The following RTTN variants were observed in gnomAD, a reference collection of about 807,000 sequenced individuals.
RTTN encodes rotatin.
A neutral mutation model predicts 269.2 loss-of-function variants in RTTN; 182 were observed. That is an observed-to-expected ratio of 0.68 (90% CI 0.60 to 0.76). The LOEUF (loss-of-function observed/expected upper bound fraction) is 0.76. RTTN is among the 30% of genes least tolerant of loss of function. The probability of loss-of-function intolerance (pLI) is 0.00; values close to 1 mark genes in which losing one functional copy is unlikely to be tolerated. For synonymous variants in RTTN, 1,006 were observed against 963.5 expected (o/e 1.04, Z -0.82); for missense variants, 2,545 against 2,608.6 (o/e 0.98, Z 0.53).
intron 17 of RTTN, among the ~76,000 whole-genome samples, chr18:70,147,324 T>A (rs960275893): frequency 6.6e-6 from 1 of 152,188 alleles, no homozygotes; most frequent in African/African-American, 2.4e-5. Context: ...TGCCACTGTG[T>A]TACAACTGCA....
rs1406409302 is a variant in RTTN at position 70,086,595 on chromosome 18, T to G, written c.4374+18A>C. 5 of 1,526,566 alleles carry G rather than the reference T, an allele frequency of 3.3e-6. No individual in the cohort carries two copies. The highest frequency in any genetic ancestry group is 4.5e-6 in the Non-Finnish European group (5 of 1,116,950). The allele number at this position is 1,526,566 out of a possible 1,614,324, so 94.6% of individuals were successfully genotyped here. A position where few individuals can be genotyped will look rare whatever the true frequency, so the allele number is the denominator to read the frequency against. On this transcript the variant is annotated intron_variant, in intron 32 of 48. Coordinates refer to ENST00000640769, the MANE Select transcript of RTTN (RefSeq NM_173630.4). Reference sequence around the variant, plus strand: ...TTTGAAACATCTACTAGGTTGATAATTGTTTAAAATCACCCACCTGCCAAG... The same window carrying G: ...TTTGAAACATCTACTAGGTTGATAAGTGTTTAAAATCACCCACCTGCCAAG...
rs1462140991 is a variant in RTTN at position 70,150,074 on chromosome 18, G to A, written c.2069C>T (p.Ala690Val). Residue 690 changes from alanine (A) to valine (V), a missense_variant, in exon 16 of 49, where the codon GCC becomes GTC. Coordinates refer to ENST00000640769, the MANE Select transcript of RTTN (RefSeq NM_173630.4). ...QEPESEVNTA[A>V]KAILLYLLQG... ...AAGCAGGTATAACAGAATGGCCTTGGCAGCAGTGTTCACCTGCTCAACAAC... is the reference window on the plus strand; with the variant it reads ...AAGCAGGTATAACAGAATGGCCTTGACAGCAGTGTTCACCTGCTCAACAAC... 1 of 1,612,022 alleles carries A rather than the reference G, an allele frequency of 6.2e-7. No homozygotes were observed. Among genetic ancestry groups the A allele is most frequent in the African/African-American group, 1.3e-5 (1 of 74,840 alleles).
chr18:70,176,884 C>A lies in RTTN; in HGVS notation c.1306-39G>T, dbSNP rs559853399. 9 of 1,549,916 alleles carry A rather than the reference C, an allele frequency of 5.8e-6. No individual in the cohort carries two copies. The African/African-American group carries it at 8.2e-5, about 14-fold the overall frequency. ...CACAACATGAAACAGAAGAAAACAA[C>A]CAATTTTAGGGGCCAGTATACAAAA... On this transcript the variant is annotated intron_variant, in intron 10 of 48. Coordinates refer to ENST00000640769, the MANE Select transcript of RTTN (RefSeq NM_173630.4).
intron 14 of RTTN, among the ~76,000 whole-genome samples, chr18:70,160,248 C>T (rs1190551763): frequency 6.6e-6 from 1 of 151,824 alleles, no homozygotes; most frequent in Non-Finnish European, 1.5e-5. Context: ...ATCAAGTATG[C>T]CTTATCCACT....
chr18:70,115,694 T>C (rs1396277728), intron 26 of RTTN, among the ~76,000 whole-genome samples: 1 of 151,904 alleles, frequency 6.6e-6, no homozygotes, highest in Non-Finnish European at 1.5e-5. Context: ...CTAGTTAATA[T>C]TCCATCCTCA....
intron 26 of RTTN, among the ~76,000 whole-genome samples, chr18:70,115,322 C>A (rs1375245164): frequency 6.6e-6 from 1 of 151,830 alleles, no homozygotes; most frequent in Admixed American, 6.6e-5. Flanking sequence ...ATAATCTTTG[C>A]CACCTTGATA....
chr18:70,059,998 G>C lies in RTTN; in HGVS notation c.4792C>G (p.Leu1598Val). ...CACAGTTTGGGCAGGGGAGCAGAAA[G>C]AGATGAATCATGAGGTGGCCGTGGT... ...TSPRPPHDSS[L>V]SAPLPKLCVF... The change falls in exon 36 of 49, where the codon CTT (leucine) becomes GTT (valine). Residue 1598 changes from leucine to valine, a missense_variant. Leu to Val is a conservative substitution (Grantham distance 32, BLOSUM62 1). Coordinates refer to ENST00000640769, the MANE Select transcript of RTTN (RefSeq NM_173630.4). 4 of 1,613,884 alleles carry C rather than the reference G, an allele frequency of 2.5e-6. No individual in the cohort carries two copies. The highest frequency in any genetic ancestry group is 3.4e-6 in the Non-Finnish European group (4 of 1,179,864).
intron 28 of RTTN, among the ~76,000 whole-genome samples, chr18:70,100,310 G>A (rs935788903): frequency 6.6e-6 from 1 of 152,110 alleles, no homozygotes; most frequent in African/African-American, 2.4e-5. Flanking sequence ...CTTGTAAGTT[G>A]GATTCCTAGG....
intron 43 of RTTN, among the ~76,000 whole-genome samples, chr18:70,026,471 A>C (rs2056856901): frequency 6.6e-6 from 1 of 152,078 alleles, no homozygotes; most frequent in Non-Finnish European, 1.5e-5. Context: ...CTCCAGTTCT[A>C]GTAATGTGAT....
intron 35 of RTTN, among the ~76,000 whole-genome samples, chr18:70,065,270 TAAAAA>T (rs61422284): frequency 7.5e-6 from 1 of 132,940 alleles, no homozygotes; most frequent in Non-Finnish European, 1.6e-5. Flanking sequence ...CTCTAGAATT[TAAAAA>T]AAAAAAAAAA....
intron 14 of RTTN, among the ~76,000 whole-genome samples, chr18:70,162,243 G>C (rs1340651888): frequency 1.3e-5 from 2 of 152,142 alleles, no homozygotes; most frequent in Admixed American, 6.5e-5. Context: ...ATTATCCTAA[G>C]TGAATTAACA....
At chr18:70,096,115 C>T (rs1006865575) in intron 28 of RTTN, among the ~76,000 whole-genome samples, 4 of 151,706 alleles carry the variant, frequency 2.6e-5, no homozygotes, top group Admixed American at 6.6e-5. Context: ...GTATGTGTCA[C>T]GAAGTTCTGG....
chr18:70,025,200 A>G (rs1168261429), intron 43 of RTTN, among the ~76,000 whole-genome samples: 1 of 152,230 alleles, frequency 6.6e-6, no homozygotes, highest in East Asian at 1.9e-4. Flanking sequence ...TTTCTGGTTA[A>G]GTAAACATTC....
intron 38 of RTTN, among the ~76,000 whole-genome samples, 186 bp downstream of exon 38, chr18:70,053,945 C>A (rs1235979769): frequency 1.3e-5 from 2 of 152,232 alleles, no homozygotes; most frequent in African/African-American, 2.4e-5. Context: ...CTTTATTATA[C>A]TACACACTTG....
intron 46 of RTTN, chr18:70,007,478 C>T (rs2145438218): frequency 6.6e-6 from 1 of 152,448 alleles, no homozygotes; most frequent in East Asian, 1.9e-4. Flanking sequence ...ATCCCATACC[C>T]ATGGAGCCCA....
intron 46 of RTTN, among the ~76,000 whole-genome samples, chr18:70,011,241 G>A (rs904508248): frequency 1.1e-4 from 17 of 152,108 alleles, no homozygotes; most frequent in African/African-American, 3.9e-4. Flanking sequence ...CATTTTATGA[G>A]GCCAGCATCA....
At chr18:70,140,235 T>C in intron 19 of RTTN, 47 bp from the exon 20 acceptor site, 1 of 1,058,514 alleles carries the variant, frequency 9.4e-7, no homozygotes, top group Non-Finnish European at 1.5e-6. Context: ...TTTTTTGTAG[T>C]TTAAAACACG....
intron 33 of RTTN, among the ~76,000 whole-genome samples, chr18:70,074,264 C>T (rs994941823): frequency 6.6e-6 from 1 of 151,866 alleles, no homozygotes; most frequent in African/African-American, 2.4e-5. Context: ...GAGTGGAAGC[C>T]CTGAGTGTTC....
At chr18:70,134,183 A>G (rs551381884) in intron 23 of RTTN, among the ~76,000 whole-genome samples, 2 of 152,086 alleles carry the variant, frequency 1.3e-5, no homozygotes, top group African/African-American at 4.8e-5. Flanking sequence ...GGAGAGAGAA[A>G]GCAAAGAGAC....
Sources: gnomAD v4.1 joint callset for allele counts (sites outside exome capture counted in the v4.1 genomes callset) on GRCh38, gnomAD v4.1.1 for gene constraint, MANE v1.5 for transcripts, NCBI Gene and HGNC (gene_info 2026-07-23, HGNC 2026-07-21) for gene names.